KMT2C: variants seen among roughly 807,000 people sequenced by gnomAD.
The protein encoded by KMT2C is lysine methyltransferase 2C.
Under a neutral mutation model 507.9 loss-of-function variants are expected in KMT2C, and 88 were observed. The ratio of observed to expected loss-of-function variants is 0.17; its 90% confidence interval spans 0.15 to 0.21. KMT2C has a LOEUF of 0.21. Among genes scored for constraint, KMT2C ranks in the 10% least tolerant of loss-of-function variants. The pLI, the probability that KMT2C is intolerant of heterozygous loss-of-function variation, is 1.00. For missense variants in KMT2C, 4,954 were observed against 5,957.8 expected (o/e 0.83, Z 5.55); for synonymous variants, 2,049 against 2,080.8 (o/e 0.98, Z 0.42).
At chr7:152,286,515 A>G (rs1361843977) in intron 6 of KMT2C, among the ~76,000 whole-genome samples, 14 of 152,300 alleles carry the variant, frequency 9.2e-5, no homozygotes, top group South Asian at 2.1e-4. Context: ...AAACAATGCA[A>G]CATCTTTTAA....
Position 152,139,638 on chromosome 7 carries a change from G to C in KMT2C, c.14460+37C>G, listed in dbSNP as rs777992482. 8.6e-5 allele frequency: 115 copies of C among 1,330,150 alleles called. 2 individuals carry two copies. In the South Asian group the frequency reaches 1.2e-3, roughly 14 times the overall value. The allele number at this position is 1,330,150 out of a possible 1,614,324, so 82.4% of individuals were successfully genotyped here. Reference sequence around the variant, plus strand: ...GGCACGGAGAAAGGGAGAGGATGATGGTGCTGTGTATACAATCTCGGGGAC... The same window carrying C: ...GGCACGGAGAAAGGGAGAGGATGATCGTGCTGTGTATACAATCTCGGGGAC... On this transcript the variant is annotated intron_variant, in intron 56 of 58. Transcript: ENST00000262189.
chr7:152,199,111 A>T (rs1031660001), intron 27 of KMT2C, among the ~76,000 whole-genome samples, 168 bp downstream of exon 27: 2 of 152,248 alleles, frequency 1.3e-5, no homozygotes, highest in Non-Finnish European at 2.9e-5. Flanking sequence ...CATCTTATAC[A>T]CCTGTCCACT....
rs545791690 is a variant in KMT2C, at chr7:152,266,146, T to C, written c.1013-937A>G. Among the ~76,000 whole-genome samples, 65 of 152,348 alleles carry C rather than the reference T, an allele frequency of 4.3e-4. 1 individual carries two copies. Among genetic ancestry groups the C allele is most frequent in the African/African-American group, 1.5e-3 (63 of 41,572 alleles). Reference sequence around the variant, plus strand: ...CATTCCTATCTACTATTCTGACTCATACGTTCTTTCTTTTCCAGTCAAGCC... The same window carrying C: ...CATTCCTATCTACTATTCTGACTCACACGTTCTTTCTTTTCCAGTCAAGCC... On this transcript the variant is annotated intron_variant, in intron 7 of 58. Coordinates refer to ENST00000262189, the MANE Select transcript of KMT2C (RefSeq NM_170606.3).
At chr7:152,158,009 G>GT in intron 44 of KMT2C, 1 of 939,064 alleles carries the variant, frequency 1.1e-6, no homozygotes, top group Non-Finnish European at 1.4e-6. Flanking sequence ...AAGCAACTTT[G>GT]TTGAATAAGG....
intron 2 of KMT2C, among the ~76,000 whole-genome samples, chr7:152,331,752 A>G (rs932731363): frequency 6.1e-5 from 9 of 147,806 alleles, no homozygotes; most frequent in Admixed American, 5.5e-4. Context: ...GGGTTCAAGC[A>G]ATTCTCCTGC....
chr7:152,413,885 C>CAAAAAAAAAAAA (rs56006056), intron 1 of KMT2C, among the ~76,000 whole-genome samples: 1 of 108,166 alleles, frequency 9.2e-6, no homozygotes, highest in African/African-American at 4.5e-5. Context: ...AACTCCGTCT[C>CAAAAAAAAAAAA]AAAAAAAAAA....
chr7:152,165,858 T>C (rs2092703948), intron 42 of KMT2C, among the ~76,000 whole-genome samples: 1 of 151,806 alleles, frequency 6.6e-6, no homozygotes, highest in South Asian at 2.1e-4. Context: ...CTGGCTAACT[T>C]CTTGTATTTT....
At chr7:152,291,683 T>C (rs1045007489) in intron 6 of KMT2C, among the ~76,000 whole-genome samples, 9 of 152,148 alleles carry the variant, frequency 5.9e-5, no homozygotes, top group African/African-American at 2.2e-4. Context: ...ACTTCTGGAG[T>C]ATGTAACAAC....
intron 15 of KMT2C, among the ~76,000 whole-genome samples, chr7:152,236,586 T>A (rs1009459894): frequency 6.6e-6 from 1 of 152,228 alleles, no homozygotes; most frequent in Non-Finnish European, 1.5e-5. Context: ...GTATTCTTCC[T>A]CTCATTAAAA....
At chr7:152,354,053 AAAG>A (rs1252472789) in intron 2 of KMT2C, among the ~76,000 whole-genome samples, 2 of 152,146 alleles carry the variant, frequency 1.3e-5, no homozygotes, top group Admixed American at 6.5e-5. Flanking sequence ...ATGTTCCCTA[AAAG>A]AAGTGGACAA....
chr7:152,252,839 A>G, intron 9 of KMT2C, 124 bp from the exon 10 acceptor site: 1 of 696,270 alleles, frequency 1.4e-6, no homozygotes, highest in Non-Finnish European at 2.3e-6. Context: ...TATTTTCATG[A>G]CACTAATTTA....
chr7:152,339,803 TTAA>T (rs1360533254), intron 2 of KMT2C, among the ~76,000 whole-genome samples: 3 of 152,134 alleles, frequency 2.0e-5, no homozygotes, highest in South Asian at 2.1e-4. Flanking sequence ...AGTTGCTTAA[TTAA>T]TATTATATAA....
In KMT2C at chr7:152,248,099, C is replaced by T. The variant is rs62478319; in HGVS notation, c.2335G>A (p.Ala779Thr). 6.2e-7 allele frequency: 1 copy of T among 1,614,080 alleles called. No homozygotes were observed. Among genetic ancestry groups the T allele is most frequent in the Non-Finnish European group, 8.5e-7 (1 of 1,179,988 alleles). Residue 779 changes from alanine (A) to threonine (T), a missense_variant, in exon 14 of 59, where the codon GCA (alanine) becomes ACA (threonine). By Grantham distance (58) the Ala-to-Thr change is moderately conservative. Around this residue, in one of 29 missense-constraint regions of KMT2C, gnomAD observed 20 missense variants for 53.1 expected, o/e 0.38. Coordinates refer to ENST00000262189, the MANE Select transcript of KMT2C (RefSeq NM_170606.3). ...GGTGTTGGGGAGGAAGACACATCTG[C>T]CTTGCTTATGTCTGCTGATGATGAA... is the stretch of plus-strand genomic sequence containing the variant. ...SFSSSADISK[A>T]DVSSSPTPSS...
At chr7:152,234,118 TG>T (rs1420614664) in intron 16 of KMT2C, among the ~76,000 whole-genome samples, 1 of 150,140 alleles carries the variant, frequency 6.7e-6, no homozygotes, top group Non-Finnish European at 1.5e-5. Context: ...CTGGGCATGG[TG>T]GCTCACGCCT....
chr7:152,377,249 A>G (rs2097335870), intron 1 of KMT2C, among the ~76,000 whole-genome samples: 1 of 152,310 alleles, frequency 6.6e-6, no homozygotes, highest in Non-Finnish European at 1.5e-5. Flanking sequence ...GTCCACTGTC[A>G]AGACCTACTG....
chr7:152,211,900 T>C (rs2094462994), intron 23 of KMT2C, among the ~76,000 whole-genome samples: 1 of 152,110 alleles, frequency 6.6e-6, no homozygotes, highest in East Asian at 1.9e-4. Context: ...TACAAAAAAT[T>C]AGCCGGGCGT....
chr7:152,139,236 G>A lies in KMT2C; in HGVS notation c.14484C>T (p.Arg4828=). 1 of 1,613,790 alleles carries A rather than the reference G, an allele frequency of 6.2e-7. No individual in the cohort carries two copies. Among genetic ancestry groups the A allele is most frequent in the Non-Finnish European group, 8.5e-7 (1 of 1,180,020 alleles). Residue 4828 remains arginine (R), a synonymous_variant, in exon 57 of 59, where the codon CGC becomes CGT. Coordinates refer to ENST00000262189, the MANE Select transcript of KMT2C (RefSeq NM_170606.3). ...ESQNRGVYMF[R]MDNDHVIDAT... ...CGTCAATCACATGGTCGTTATCCAT[G>A]CGGAACATGTACACACCACGGTTCT...
At position 152,162,393 on chromosome 7, in the gene KMT2C, G is replaced by A. The variant is rs2092502382; in HGVS notation, c.11184C>T (p.Cys3728=). Residue 3728 remains cysteine, a synonymous_variant, in exon 43 of 59, where the codon TGC becomes TGT. Coordinates refer to ENST00000262189, the MANE Select transcript of KMT2C (RefSeq NM_170606.3). ...IKLEKAETES[C]PGQEEPKLEE... ...CCAATTTAGGCTCCTCTTGGCCTGG[G>A]CAGGACTCTGTCTCAGCCTTTTCCA... The A allele has an allele frequency of 6.2e-7, 1 of 1,614,094 alleles. No homozygotes were observed. Among genetic ancestry groups the A allele is most frequent in the African/African-American group, 1.3e-5 (1 of 74,914 alleles).
At chr7:152,179,027 G>C (rs13227286) in intron 37 of KMT2C, among the ~76,000 whole-genome samples, 7,447 of 151,970 alleles carry the variant, frequency 0.049, 299 homozygotes, top group East Asian at 0.17. Flanking sequence ...GTCTCGTTCT[G>C]TCTCCCAGGC....
Sources: gnomAD v4.1 joint callset for allele counts (sites outside exome capture counted in the v4.1 genomes callset) on GRCh38, gnomAD v4.1.1 for gene constraint, gnomAD v4.1.1 regional missense constraint, MANE v1.5 for transcripts, NCBI Gene and HGNC (gene_info 2026-07-23, HGNC 2026-07-21) for gene names.